CCDC191: variants seen among roughly 807,000 people sequenced by gnomAD.
The protein encoded by CCDC191 is coiled-coil domain containing 191.
In CCDC191, 99 loss-of-function variants were observed where a neutral mutation model predicts 114.0. That is an observed-to-expected ratio of 0.87 (90% CI 0.74 to 1.03). The LOEUF (loss-of-function observed/expected upper bound fraction) is 1.03. Ranked by LOEUF, CCDC191 falls within the 50% of genes least tolerant of loss-of-function variation. The pLI is 0.00. For synonymous variants in CCDC191, 351 were observed against 376.0 expected (o/e 0.93, Z 0.77); for missense variants, 973 against 1,087.0 (o/e 0.90, Z 1.47).
At chr3:113,979,195 C>A (rs57103401) in intron 14 of CCDC191, among the ~76,000 whole-genome samples, 185 bp from the exon 15 acceptor site, 3,795 of 152,240 alleles carry the variant, frequency 0.025, 140 homozygotes, top group African/African-American at 0.087. Context: ...GTTATAGATT[C>A]ACATCATGCA....
chr3:114,033,861 C>T (rs191258066), intron 6 of CCDC191, among the ~76,000 whole-genome samples: 1 of 152,142 alleles, frequency 6.6e-6, no homozygotes, highest in East Asian at 1.9e-4. Context: ...CTGTTTTAAA[C>T]TGGGTAGAAT....
At position 114,036,778 on chromosome 3, in the gene CCDC191, C is replaced by T. The variant is rs751367174; in HGVS notation, c.424G>A (p.Gly142Ser). Residue 142 changes from glycine (G) to serine (S), a missense_variant, in exon 5 of 17, where the codon GGC becomes AGC. Physicochemically the swap from Gly to Ser is moderately conservative, Grantham distance 56. Transcript: ENST00000295878. ...LKYDKFDDLCGYLEEEEESTT... is the reference protein window; with the variant it reads ...LKYDKFDDLCSYLEEEEESTT... The stretch of plus-strand genomic sequence containing the variant: ...CTTTCCTCTTCTTCCTCCAAATAGC[C>T]ACATAAATCTGGGGGAAACAGAACA... 9 of 1,541,608 alleles carry T rather than the reference C, an allele frequency of 5.8e-6. No homozygotes were observed. Among genetic ancestry groups the T allele is most frequent in the Middle Eastern group, 1.7e-4 (1 of 5,806 alleles).
chr3:114,022,436 C>A (rs2107706733), intron 7 of CCDC191, among the ~76,000 whole-genome samples: 1 of 152,250 alleles, frequency 6.6e-6, no homozygotes, highest in South Asian at 2.1e-4. Context: ...TCAGAAAGCT[C>A]AGTGATAATT....
At chr3:113,978,690 A>G in intron 15 of CCDC191, 168 bp downstream of exon 15, 1 of 746,422 alleles carries the variant, frequency 1.3e-6, no homozygotes, top group South Asian at 1.9e-5. Context: ...ACACTAATAA[A>G]ACACTGATTT....
chr3:113,994,101 A>C (rs1441458320), intron 13 of CCDC191, among the ~76,000 whole-genome samples: 3 of 152,228 alleles, frequency 2.0e-5, no homozygotes, highest in African/African-American at 7.2e-5. Context: ...TGACATTGTT[A>C]AGTGAATTAA....
At chr3:113,967,318 C>G (rs1307630369) in intron 16 of CCDC191, among the ~76,000 whole-genome samples, 4 of 152,124 alleles carry the variant, frequency 2.6e-5, no homozygotes, top group Non-Finnish European at 5.9e-5. Flanking sequence ...CTGTTCTACC[C>G]TAACTGAAAA....
rs184104086 is a variant in CCDC191, at chr3:113,989,730, A to G, written c.2164-8937T>C. 5.9e-5 allele frequency among the ~76,000 whole-genome samples: 9 copies of G among 152,322 alleles called. No homozygotes were observed. The East Asian group carries it at 1.7e-3, about 29-fold the overall frequency. ...GCCAGGCATGGTGGCTCATGCCTGT[A>G]ATCTTACCACTTTGGGAGGCCAAGG... On this transcript the variant is annotated intron_variant, in intron 13 of 16. Transcript: ENST00000295878.
intron 14 of CCDC191, 52 bp from the exon 15 acceptor site, chr3:113,979,062 A>G (rs1559876631): frequency 1.3e-5 from 19 of 1,515,552 alleles, no homozygotes; most frequent in Non-Finnish European, 1.7e-5. Flanking sequence ...TAAATCATTT[A>G]AACAAACACA....
chr3:114,029,333 AAT>A (rs2076371293), intron 7 of CCDC191, among the ~76,000 whole-genome samples: 1 of 152,230 alleles, frequency 6.6e-6, no homozygotes, highest in Admixed American at 6.5e-5. Context: ...GAATAAAATA[AAT>A]ATCAATGAGC....
intron 16 of CCDC191, among the ~76,000 whole-genome samples, chr3:113,968,588 T>C (rs980229068): frequency 1.3e-5 from 2 of 151,762 alleles, no homozygotes; most frequent in Non-Finnish European, 2.9e-5. Context: ...TAGCTGGGAC[T>C]ACAGGCACAT....
In CCDC191 at chr3:114,018,778, T is replaced by C; in HGVS notation, c.1063A>G (p.Ile355Val). Residue 355 changes from isoleucine to valine, a missense_variant, in exon 8 of 17, where the codon ATT becomes GTT. Transcript: ENST00000295878. ...CAGGCCCGCAGGACCTTCAGCTGAA[T>C]CTTCCAGTCAGACAGGGTCCCAGCT... ...GKAGTLSDWKIQLKVLRAWRD... is the reference protein window; with the variant it reads ...GKAGTLSDWKVQLKVLRAWRD... 1 of 1,613,966 alleles carries C rather than the reference T, an allele frequency of 6.2e-7. No homozygotes were observed.
At chr3:113,967,051 A>T (rs1173370727) in intron 16 of CCDC191, among the ~76,000 whole-genome samples, 2 of 152,194 alleles carry the variant, frequency 1.3e-5, no homozygotes, top group East Asian at 3.8e-4. Context: ...GTGAGCCGAG[A>T]TCAAGCCATG....
chr3:113,977,802 T>G (rs930293234), intron 16 of CCDC191, among the ~76,000 whole-genome samples: 1 of 152,216 alleles, frequency 6.6e-6, no homozygotes, highest in African/African-American at 2.4e-5. Context: ...TAAGCACTTT[T>G]CTATATTTGT....
chr3:114,042,581 A>AT (rs1245058104), intron 4 of CCDC191, 122 bp downstream of exon 4: 2 of 730,738 alleles, frequency 2.7e-6, no homozygotes, highest in African/African-American at 3.8e-5. Flanking sequence ...AAAACCAATA[A>AT]TAAAAACTAA....
chr3:114,003,356 A>T (rs1288164734), intron 11 of CCDC191: 1 of 985,210 alleles, frequency 1.0e-6, no homozygotes, highest in Non-Finnish European at 1.2e-6. Context: ...CCAAGTTTTA[A>T]GAATTAATAA....
intron 13 of CCDC191, among the ~76,000 whole-genome samples, chr3:113,982,111 T>C (rs1231038095): frequency 6.6e-6 from 1 of 152,206 alleles, no homozygotes; most frequent in East Asian, 1.9e-4. Flanking sequence ...CAAAAGAACT[T>C]GTTCCCATGC....
intron 16 of CCDC191, among the ~76,000 whole-genome samples, chr3:113,974,540 G>A (rs1467629551): frequency 2.7e-5 from 4 of 149,166 alleles, no homozygotes; most frequent in South Asian, 2.1e-4. Context: ...GGCTGGTGTC[G>A]AATTCCTCAC....
intron 13 of CCDC191, chr3:113,984,743 T>C (rs978472709): frequency 2.6e-5 from 4 of 152,272 alleles, no homozygotes; most frequent in Non-Finnish European, 5.9e-5. Context: ...TTCTTATCTA[T>C]TGCTATGAAC....
At chr3:113,997,327 TAC>T (rs555253967) in intron 13 of CCDC191, among the ~76,000 whole-genome samples, 1 of 152,170 alleles carries the variant, frequency 6.6e-6, no homozygotes, top group African/African-American at 2.4e-5. Context: ...TATGTACATA[TAC>T]ACACACAGAT....
Sources: allele counts gnomAD v4.1 joint callset (sites outside exome capture counted in the v4.1 genomes callset), GRCh38; gene constraint gnomAD v4.1.1; transcripts MANE v1.5; gene names NCBI Gene and HGNC (gene_info 2026-07-23, HGNC 2026-07-21).